GNPDA1: variants seen among roughly 807,000 people sequenced by gnomAD.
GNPDA1 encodes GNPDA 1.
GNPDA1 carries 24 observed loss-of-function variants against 28.5 expected under a neutral mutation model. That is an observed-to-expected ratio of 0.84 (90% CI 0.61 to 1.19). The LOEUF is 1.19. Ranked by LOEUF, GNPDA1 falls within the 50% of genes most tolerant of loss-of-function variation. GNPDA1 has a pLI of 0.00. For missense variants in GNPDA1, 264 were observed against 367.3 expected, an observed-to-expected ratio of 0.72 and a Z score of 2.30; for synonymous variants, 147 against 139.3, an observed-to-expected ratio of 1.06 and a Z score of -0.39.
chr5:142,003,028 T>C lies in GNPDA1; in HGVS notation c.769+60A>G, dbSNP rs1266073652. On this transcript the variant is annotated intron_variant, in intron 6 of 6. Coordinates refer to ENST00000311337, the MANE Select transcript of GNPDA1 (RefSeq NM_005471.5). The surrounding 1 kb of genome is among the most constrained non-coding windows in gnomAD (Gnocchi z 4.0). ...ACCAGAGGATGAAAGCTGGATCTAC[T>C]CCTTACTCCTAGCACACCCTAAGCT... 7.1e-7 allele frequency: 1 copy of C among 1,406,258 alleles called. No homozygotes were observed. Among genetic ancestry groups the C allele is most frequent in the Non-Finnish European group, 9.8e-7 (1 of 1,022,014 alleles). The allele number at this position is 1,406,258 out of a possible 1,614,324, so 87.1% of individuals were successfully genotyped here.
intron 6 of GNPDA1, among the ~76,000 whole-genome samples, chr5:142,002,677 C>T (rs544661182): frequency 1.6e-4 from 25 of 152,202 alleles, no homozygotes; most frequent in African/African-American, 5.8e-4. Context: ...TCACTTAAGC[C>T]CGGGAGGTGG....
At chr5:142,006,063 G>A in intron 4 of GNPDA1, 81 bp downstream of exon 4, 1 of 1,181,224 alleles carries the variant, frequency 8.5e-7, no homozygotes, top group South Asian at 1.4e-5. Flanking sequence ...AGAAGAAGCT[G>A]TCTGCAGACA....
rs749519171 is a variant in GNPDA1, at chr5:142,007,892, G to A, written c.133C>T (p.Pro45Ser). 2 of 1,604,350 alleles carry A rather than the reference G, an allele frequency of 1.2e-6. No homozygotes were observed. Residue 45 changes from proline to serine, a missense_variant, in exon 3 of 7, where the codon CCA becomes TCA. Pro to Ser is a moderately conservative substitution (Grantham distance 74, BLOSUM62 -1). Transcript: ENST00000311337. Reference sequence around the variant, plus strand: ...ATCAGCTTCTTGTAGCAGCCAAGTGGGGTACTCCCTGCAAGAGTGGCCACA... The same window carrying A: ...ATCAGCTTCTTGTAGCAGCCAAGTGAGGTACTCCCTGCAAGAGTGGCCACA... The part of the protein sequence containing the change: ...FTLGLPTGST[P>S]LGCYKKLIEY...
rs112550713 is a variant in GNPDA1, at chr5:142,003,739, G to C, written c.595-477C>G. Among the ~76,000 whole-genome samples, 2,192 of 152,294 alleles carry C rather than the reference G, an allele frequency of 0.014. 48 individuals are homozygous for C. Among genetic ancestry groups the C allele is most frequent in the African/African-American group, 0.05 (2,089 of 41,566 alleles). ...TCTAAGGCTGAATCCCAGAAAGGTT[G>C]CCCCATTATCTGGTCACTTTCAGTT... On this transcript the variant is annotated intron_variant, in intron 5 of 6. Transcript: ENST00000311337. This position sits in a 1 kb window ranked among gnomAD's most constrained non-coding sequence, Gnocchi z 4.0.
rs767356060 is a variant in GNPDA1 at position 142,012,015 on chromosome 5, C to T, written c.21G>A (p.Glu7=). The change falls in exon 2 of 7, where the codon GAG becomes GAA. Residue 7 remains glutamate (E), a synonymous_variant. Coordinates refer to ENST00000311337, the MANE Select transcript of GNPDA1 (RefSeq NM_005471.5). ...CCCACTCGCTCGCCTGAGAATAGTG[C>T]TCCAGGATGATGAGCTTCATCTTGT... The part of the protein sequence containing the change: MKLIIL[E]HYSQASEWAA... The T allele has an allele frequency of 1.2e-6, 2 of 1,604,914 alleles. No individual in the cohort carries two copies. The highest frequency in any genetic ancestry group is 8.5e-7 in the Non-Finnish European group (1 of 1,172,516).
At position 142,001,395 on chromosome 5, in the gene GNPDA1, C is replaced by T. The variant is rs1755674645; in HGVS notation, c.*634G>A. The stretch of plus-strand genomic sequence containing the variant: ...GGGCCCCTTGAGGCTCTGGATTTAT[C>T]AATAGAAGCCTCCTCTTTGGCCCCA... On this transcript the variant is annotated 3_prime_UTR_variant, in exon 7 of 7. Coordinates refer to ENST00000311337, the MANE Select transcript of GNPDA1 (RefSeq NM_005471.5). 1 of 152,318 alleles carries T rather than the reference C, an allele frequency of 6.6e-6. No individual in the cohort carries two copies. Among genetic ancestry groups the T allele is most frequent in the South Asian group, 2.1e-4 (1 of 4,830 alleles). The allele number at this position is 152,318 out of a possible 1,614,324, so 9.4% of individuals were successfully genotyped here. A position where few individuals can be genotyped will look rare whatever the true frequency, so the allele number is the denominator to read the frequency against.
chr5:142,002,909 G>A (rs1335811295), intron 6 of GNPDA1, among the ~76,000 whole-genome samples, 179 bp downstream of exon 6: 1 of 152,180 alleles, frequency 6.6e-6, no homozygotes, highest in Non-Finnish European at 1.5e-5. Context: ...CTCCAGAAAT[G>A]GATCTTTGCA....
Position 142,003,006 on chromosome 5 carries a change from A to G in GNPDA1, c.769+82T>C, listed in dbSNP as rs942295805. ...ATTACAGTTGTCAATTAAAATGACC[A>G]GAGGATGAAAGCTGGATCTACTCCT... On this transcript the variant is annotated intron_variant, in intron 6 of 6. Transcript: ENST00000311337. This position sits in a 1 kb window ranked among gnomAD's most constrained non-coding sequence, Gnocchi z 4.0. The G allele has an allele frequency of 5.4e-6, 6 of 1,106,004 alleles. No individual in the cohort carries two copies. Among genetic ancestry groups the G allele is most frequent in the Admixed American group, 4.4e-5 (2 of 45,336 alleles). 68.5% of individuals were successfully genotyped at this position (1,106,004 alleles called of 1,614,324 possible).
intron 2 of GNPDA1, among the ~76,000 whole-genome samples, chr5:142,011,276 C>T (rs947252775): frequency 4.8e-5 from 4 of 83,202 alleles, no homozygotes; most frequent in Non-Finnish European, 1.2e-4. Flanking sequence ...TTTGAAGACC[C>T]CTCCAACACA....
intron 4 of GNPDA1, among the ~76,000 whole-genome samples, chr5:142,005,685 T>C (rs252111): frequency 0.82 from 124,002 of 152,076 alleles, 50,801 homozygotes; most frequent in East Asian, 0.98. Flanking sequence ...GATAGATGGA[T>C]ACACAGAAGG....
chr5:142,007,756 C>T (rs1755842647), intron 3 of GNPDA1, 43 bp downstream of exon 3: 2 of 1,182,004 alleles, frequency 1.7e-6, no homozygotes, highest in Non-Finnish European at 2.5e-6. Flanking sequence ...AGGAGCATCA[C>T]TCTCCTAGAA....
At chr5:142,004,890 C>A (rs1204784112) in intron 5 of GNPDA1, 42 bp downstream of exon 5, 1 of 1,361,270 alleles carries the variant, frequency 7.3e-7, no homozygotes, top group Non-Finnish European at 1.0e-6. Flanking sequence ...AAGAGAAAGA[C>A]AAGTCCACCA....
At chr5:142,009,784 C>T (rs1254589981) in intron 2 of GNPDA1, among the ~76,000 whole-genome samples, 1 of 152,192 alleles carries the variant, frequency 6.6e-6, no homozygotes, top group East Asian at 1.9e-4. Context: ...GAGTTGGTTT[C>T]TGTGGTTTCC....
rs1378788612 is a variant in GNPDA1, at chr5:142,001,786, G to A, written c.*243C>T. ...AGTTTAAAACTCCCAACCTGGGTTT[G>A]GCAGACATCAAAATGATGGAGTACA... is the stretch of plus-strand genomic sequence containing the variant. On this transcript the variant is annotated 3_prime_UTR_variant, in exon 7 of 7. Coordinates refer to ENST00000311337, the MANE Select transcript of GNPDA1 (RefSeq NM_005471.5). 1.2e-5 allele frequency: 4 copies of A among 345,196 alleles called. No homozygotes were observed. Among genetic ancestry groups the A allele is most frequent in the Non-Finnish European group, 2.1e-5 (4 of 191,786 alleles). The allele number at this position is 345,196 out of a possible 1,614,324, so 21.4% of individuals were successfully genotyped here.
In GNPDA1 at chr5:142,005,109, GC is replaced by G; in HGVS notation, c.416del (p.Gly139AlafsTer21). 6.2e-7 allele frequency: 1 copy of G among 1,604,254 alleles called. No individual in the cohort carries two copies. The highest frequency in any genetic ancestry group is 1.7e-5 in the Admixed American group (1 of 59,862). On this transcript the variant is annotated frameshift_variant, in exon 5 of 7. Transcript: ENST00000311337. LOFTEE classifies it high-confidence loss of function. ...CGTTGAAGGCAATGTGTCCATCAGG[GC>G]CGATGCCTATAGGGAGAGAGCCCGT... ...GGIELFVGGI[G>X]PDGHIAFNEP...
intron 3 of GNPDA1, among the ~76,000 whole-genome samples, chr5:142,007,253 T>C (rs1043414274): frequency 6.6e-5 from 10 of 152,166 alleles, no homozygotes; most frequent in Non-Finnish European, 1.3e-4. Flanking sequence ...ACAATTTTTT[T>C]TTTAAAAAAA....
At chr5:142,004,796 A>G in intron 5 of GNPDA1, 136 bp downstream of exon 5, 1 of 538,438 alleles carries the variant, frequency 1.9e-6, no homozygotes, top group Non-Finnish European at 3.3e-6. Flanking sequence ...AGTGAGTAAC[A>G]GGGTCAGCAG....
chr5:142,011,234 C>CAAA (rs35952167), intron 2 of GNPDA1, among the ~76,000 whole-genome samples: 1 of 115,582 alleles, frequency 8.7e-6, no homozygotes, highest in Non-Finnish European at 1.8e-5. Context: ...CAAGGAAGAC[C>CAAA]AAAAAAAAAA....
At chr5:142,012,713 C>T in intron 1 of GNPDA1, 1 of 980,218 alleles carries the variant, frequency 1.0e-6, no homozygotes. Flanking sequence ...CCCCAAAGCA[C>T]AAAAGGGAAA....
Sources: gnomAD v4.1 joint callset for allele counts (sites outside exome capture counted in the v4.1 genomes callset) on GRCh38, gnomAD v4.1.1 for gene constraint, Gnocchi (gnomAD v3.1) non-coding constraint, MANE v1.5 for transcripts, NCBI Gene and HGNC (gene_info 2026-07-23, HGNC 2026-07-21) for gene names.